Variants in KLF13 observed in about 807,000 individuals in gnomAD.
KLF13 encodes the protein Krueppel-like factor 13.
KLF13 carries 8 observed loss-of-function variants against 16.7 expected under a neutral mutation model. The observed-to-expected ratio is 0.48, with a 90% confidence interval of 0.28 to 0.87. The LOEUF is 0.87. Among genes scored for constraint, KLF13 ranks in the 40% least tolerant of loss-of-function variants. KLF13 has a pLI of 0.10. For synonymous variants in KLF13, 245 were observed against 208.4 expected (o/e 1.18, Z -1.51); for missense variants, 447 against 452.2 (o/e 0.99, Z 0.10).
At position 31,372,079 on chromosome 15, in the gene KLF13, G is replaced by A; in HGVS notation, c.647G>A (p.Arg216Gln). Reference protein sequence around the residue: ...KKFARSDELARHYRTHTGEKK... With the variant: ...KKFARSDELAQHYRTHTGEKK... ...TTCGCGCGCTCCGACGAGCTGGCGCGGCACTACCGCACACACACGGGCGAG... is the reference window on the plus strand; with the variant it reads ...TTCGCGCGCTCCGACGAGCTGGCGCAGCACTACCGCACACACACGGGCGAG... Residue 216 changes from arginine (R) to glutamine (Q), a missense_variant, in exon 2 of 2, where the codon CGG becomes CAG. Arg to Gln is a conservative substitution (Grantham distance 43, BLOSUM62 1). This residue lies in a region of KLF13 where 88 missense variants were observed against 169.5 expected (regional missense o/e 0.52). Coordinates refer to ENST00000307145, the MANE Select transcript of KLF13 (RefSeq NM_015995.4). The A allele has an allele frequency of 1.2e-6, 2 of 1,612,784 alleles. No homozygotes were observed. Among genetic ancestry groups the A allele is most frequent in the Non-Finnish European group, 1.7e-6 (2 of 1,179,904 alleles).
intron 1 of KLF13, among the ~76,000 whole-genome samples, chr15:31,350,856 T>A (rs1480101494): frequency 6.6e-6 from 1 of 152,278 alleles, no homozygotes; most frequent in Non-Finnish European, 1.5e-5. Flanking sequence ...CCTGGCACTC[T>A]TCGCCCAGGC....
upstream of KLF13, among the ~76,000 whole-genome samples, chr15:31,391,055 T>C (rs1439655308): frequency 8.4e-6 from 1 of 118,352 alleles, no homozygotes; most frequent in Admixed American, 9.3e-5. Context: ...GGGGCTTCTC[T>C]ATGGGGTGGA....
chr15:31,343,793 A>C (rs939089120), intron 1 of KLF13, among the ~76,000 whole-genome samples: 1 of 152,156 alleles, frequency 6.6e-6, no homozygotes, highest in Non-Finnish European at 1.5e-5. Context: ...ACTGCGGGTC[A>C]CCATGACTCC....
At position 31,352,973 on chromosome 15, in the gene KLF13, A is replaced by G. The variant is rs377660760; in HGVS notation, c.578-19037A>G. Among the ~76,000 whole-genome samples, 114 of 152,200 alleles carry G rather than the reference A, an allele frequency of 7.5e-4. 1 individual carries two copies. In the South Asian group the frequency reaches 0.022, roughly 30 times the overall value. ...ACCTCCCCGTCTGTATGCAGCCACC[A>G]TGCAGCCCACCTAGGCTGTGGGCTC... On this transcript the variant is annotated intron_variant, in intron 1 of 1. Coordinates refer to ENST00000307145, the MANE Select transcript of KLF13 (RefSeq NM_015995.4).
intron 1 of KLF13, among the ~76,000 whole-genome samples, chr15:31,360,189 C>A (rs181111773): frequency 4.6e-4 from 70 of 152,290 alleles, no homozygotes; most frequent in African/African-American, 1.5e-3. Context: ...AGGTTAGGGC[C>A]CTGTTCTAGG....
downstream of KLF13, chr15:31,404,735 T>G (rs1032408832): frequency 2.0e-5 from 3 of 152,300 alleles, no homozygotes; most frequent in African/African-American, 7.2e-5. Flanking sequence ...TGCTCACTCT[T>G]TGGGTCCGTG....
downstream of KLF13, among the ~76,000 whole-genome samples, chr15:31,378,654 A>T (rs541660840): frequency 9.9e-5 from 15 of 152,028 alleles, no homozygotes; most frequent in South Asian, 2.3e-3. Flanking sequence ...ACCCAGGGGT[A>T]GACCAGCGCT....
At chr15:31,348,151 G>A (rs976641044) in intron 1 of KLF13, among the ~76,000 whole-genome samples, 8 of 152,326 alleles carry the variant, frequency 5.3e-5, no homozygotes, top group South Asian at 2.1e-4. Context: ...AAGAAAGGAC[G>A]CCACTCCTCC....
At chr15:31,415,423 A>G (rs1030163379) in intron 1 of KLF13, among the ~76,000 whole-genome samples, 6 of 152,210 alleles carry the variant, frequency 3.9e-5, no homozygotes, top group African/African-American at 1.4e-4. Context: ...ACAGAATTGA[A>G]ATAATACAAA....
downstream of KLF13, among the ~76,000 whole-genome samples, chr15:31,409,573 A>G (rs1420489373): frequency 3.3e-5 from 5 of 152,116 alleles, no homozygotes; most frequent in African/African-American, 4.8e-5. Flanking sequence ...AACCACACTT[A>G]CGTATGTCAT....
intron 1 of KLF13, among the ~76,000 whole-genome samples, chr15:31,425,171 T>C (rs1216483980): frequency 6.6e-6 from 1 of 152,180 alleles, no homozygotes; most frequent in East Asian, 1.9e-4. Context: ...TTCACATTTA[T>C]AGATTAGAAG....
chr15:31,361,429 C>G (rs2039382616), intron 1 of KLF13, among the ~76,000 whole-genome samples: 1 of 152,162 alleles, frequency 6.6e-6, no homozygotes, highest in African/African-American at 2.4e-5. Flanking sequence ...GTCAGATGAG[C>G]CCAGTGCAGG....
chr15:31,329,636 G>C, intron 1 of KLF13, among the ~76,000 whole-genome samples: 1 of 152,210 alleles, frequency 6.6e-6, no homozygotes, highest in Non-Finnish European at 1.5e-5. Context: ...GGGCTCTGGA[G>C]ACCCGGGCCT....
Position 31,374,223 on chromosome 15 carries a change from CA to C in KLF13, c.*1925del, listed in dbSNP as rs1280106875. 1 of 152,678 alleles carries C rather than the reference CA, an allele frequency of 6.5e-6. No individual in the cohort carries two copies. The highest frequency in any genetic ancestry group is 6.5e-5 in the Admixed American group (1 of 15,288). 9.5% of individuals were successfully genotyped at this position (152,678 alleles called of 1,614,324 possible). A position where few individuals can be genotyped will look rare whatever the true frequency, so the allele number is the denominator to read the frequency against. ...GTGCCCGCTTCTTACCACTGTGTGTCAGCTGGGATTGGCCGACAGCGTGGTG... is the reference window on the plus strand; with the variant it reads ...GTGCCCGCTTCTTACCACTGTGTGTCGCTGGGATTGGCCGACAGCGTGGTG... On this transcript the variant is annotated 3_prime_UTR_variant, in exon 2 of 2. Coordinates refer to ENST00000307145, the MANE Select transcript of KLF13 (RefSeq NM_015995.4).
At chr15:31,408,378 AC>A (rs1458736073), downstream of KLF13, among the ~76,000 whole-genome samples, 1 of 152,132 alleles carries the variant, frequency 6.6e-6, no homozygotes, top group Non-Finnish European at 1.5e-5. Context: ...CTTGTCCCTC[AC>A]CATCCATGGG....
intron 1 of KLF13, among the ~76,000 whole-genome samples, chr15:31,411,562 A>ATTTT (rs542831225): frequency 2.9e-5 from 4 of 137,728 alleles, no homozygotes; most frequent in African/African-American, 8.1e-5. Flanking sequence ...CACCTGGCTA[A>ATTTT]TTTTTTTTTT....
At position 31,371,912 on chromosome 15, in the gene KLF13, TGA is replaced by T; in HGVS notation, c.578-93_578-92del. ...GAGGTGGGGCATGTGGGAGGGGTGTTGAGAGACCAGGGTGTTGGGTGTTGCGG... is the reference window on the plus strand; with the variant it reads ...GAGGTGGGGCATGTGGGAGGGGTGTTGAGACCAGGGTGTTGGGTGTTGCGG... On this transcript the variant is annotated intron_variant, in intron 1 of 1. Transcript: ENST00000307145. 5.9e-6 allele frequency: 8 copies of T among 1,349,324 alleles called. No homozygotes were observed. The South Asian group carries it at 1.1e-4, about 19-fold the overall frequency. 83.6% of individuals were successfully genotyped at this position (1,349,324 alleles called of 1,614,324 possible). A position where few individuals can be genotyped will look rare whatever the true frequency, so the allele number is the denominator to read the frequency against.
intron 1 of KLF13, among the ~76,000 whole-genome samples, chr15:31,415,948 G>A (rs2040249558): frequency 6.6e-6 from 1 of 151,804 alleles, no homozygotes; most frequent in East Asian, 1.9e-4. Context: ...GAAAAAAAAA[G>A]AGGGCTCAAA....
At chr15:31,338,587 G>GT (rs1272128578) in intron 1 of KLF13, among the ~76,000 whole-genome samples, 6 of 152,316 alleles carry the variant, frequency 3.9e-5, no homozygotes, top group Admixed American at 6.5e-5. Context: ...CCGTGGCTGT[G>GT]TAGGCAGAAC....
Sources: allele counts gnomAD v4.1 joint callset (sites outside exome capture counted in the v4.1 genomes callset), GRCh38; gene constraint gnomAD v4.1.1; regional missense constraint gnomAD v4.1.1; transcripts MANE v1.5; gene names NCBI Gene and HGNC (gene_info 2026-07-23, HGNC 2026-07-21).